CD28: variants seen among roughly 807,000 people sequenced by gnomAD.
CD28 encodes the protein T-cell-specific surface glycoprotein CD28.
In CD28, 8 loss-of-function variants were observed where a neutral mutation model predicts 21.4. The observed-to-expected ratio is 0.37, with a 90% CI of 0.22 to 0.68. The LOEUF (loss-of-function observed/expected upper bound fraction) is 0.68, where lower values mean the gene tolerates loss of function less well. Ranked by LOEUF, CD28 falls within the 30% of genes least tolerant of loss-of-function variation. The probability of loss-of-function intolerance (pLI) is 0.55; values close to 1 mark genes in which losing one functional copy is unlikely to be tolerated. For missense variants in CD28, 239 were observed against 272.2 expected, an observed-to-expected ratio of 0.88 and a Z score of 0.86; for synonymous variants, 106 against 104.0, an observed-to-expected ratio of 1.02 and a Z score of -0.12.
intron 3 of CD28, among the ~76,000 whole-genome samples, chr2:203,730,429 A>T (rs7583168): frequency 0.011 from 1,617 of 152,216 alleles, 31 homozygotes; most frequent in African/African-American, 0.037. Context: ...CTCAACATTG[A>T]ATTTTTGGCC....
In CD28 at chr2:203,723,347, G is replaced by A. The variant is rs150411765; in HGVS notation, c.53-3286G>A. On this transcript the variant is annotated intron_variant, in intron 1 of 3. Transcript: ENST00000324106. ...ACTAAAAATATAAAAATTAGCTGGGGGTGGTGGTGGTCACCTCCAATTCCA... is the reference window on the plus strand; with the variant it reads ...ACTAAAAATATAAAAATTAGCTGGGAGTGGTGGTGGTCACCTCCAATTCCA... 2.0e-3 allele frequency among the ~76,000 whole-genome samples: 308 copies of A among 151,792 alleles called. 2 individuals are homozygous for A. Among genetic ancestry groups the A allele is most frequent in the Non-Finnish European group, 3.1e-3 (212 of 67,902 alleles).
intron 1 of CD28, among the ~76,000 whole-genome samples, chr2:203,707,028 G>T (rs576304877): frequency 8.5e-4 from 129 of 152,020 alleles, no homozygotes; most frequent in African/African-American, 2.7e-3. Flanking sequence ...ATTTTAAATT[G>T]AGATGGGGTT....
intron 1 of CD28, among the ~76,000 whole-genome samples, chr2:203,706,989 T>G (rs1035850986): frequency 6.6e-6 from 1 of 152,012 alleles, no homozygotes; most frequent in African/African-American, 2.4e-5. Flanking sequence ...TAGTTGATAG[T>G]GTCCCAAGAA....
At chr2:203,708,600 T>A (rs190879991) in intron 1 of CD28, among the ~76,000 whole-genome samples, 165 of 152,342 alleles carry the variant, frequency 1.1e-3, no homozygotes, top group African/African-American at 3.7e-3. Context: ...AGAACATTTA[T>A]TAAAAGGGGA....
intron 1 of CD28, among the ~76,000 whole-genome samples, chr2:203,726,140 G>A (rs961414440): frequency 5.3e-5 from 8 of 152,142 alleles, no homozygotes; most frequent in Non-Finnish European, 2.9e-5. Flanking sequence ...GAACTCGGTG[G>A]GTGGAGGTTG....
At position 203,718,628 on chromosome 2, in the gene CD28, A is replaced by G. The variant is rs188424027; in HGVS notation, c.53-8005A>G. Among the ~76,000 whole-genome samples the G allele has an allele frequency of 2.0e-5, 3 of 152,318 alleles. No individual in the cohort carries two copies. The East Asian group carries it at 5.8e-4, about 29-fold the overall frequency. ...ATGATGTGCATAAATGGAACCTGAT[A>G]AAGTTCTTAAAGATTCTGGAGGAAA... On this transcript the variant is annotated intron_variant, in intron 1 of 3. Transcript: ENST00000324106.
At chr2:203,725,224 A>C (rs915678323) in intron 1 of CD28, among the ~76,000 whole-genome samples, 1 of 150,912 alleles carries the variant, frequency 6.6e-6, no homozygotes, top group Non-Finnish European at 1.5e-5. Context: ...CAGAGGGCGG[A>C]GGTTGCAGTC....
intron 1 of CD28, among the ~76,000 whole-genome samples, chr2:203,707,578 AT>A (rs955108815): frequency 2.0e-5 from 3 of 152,344 alleles, no homozygotes; most frequent in East Asian, 1.9e-4. Flanking sequence ...TTAGATTAAA[AT>A]TCTTTAAGTT....
At chr2:203,708,955 A>T (rs1193488048) in intron 1 of CD28, among the ~76,000 whole-genome samples, 1 of 152,124 alleles carries the variant, frequency 6.6e-6, no homozygotes, top group Non-Finnish European at 1.5e-5. Flanking sequence ...TCCCATCTCT[A>T]CTAAAAATAC....
intron 1 of CD28, among the ~76,000 whole-genome samples, chr2:203,709,027 C>T (rs1693240596): frequency 6.6e-6 from 1 of 151,438 alleles, no homozygotes; most frequent in African/African-American, 2.4e-5. Context: ...GAGGCTTAGG[C>T]AGGAGAATTG....
At chr2:203,732,759 T>C (rs1308787059) in intron 3 of CD28, among the ~76,000 whole-genome samples, 7 of 152,214 alleles carry the variant, frequency 4.6e-5, no homozygotes, top group Non-Finnish European at 1.0e-4. Context: ...ATGGGTGCTG[T>C]AGGTTCTGCG....
chr2:203,712,163 G>T (rs907173153), intron 1 of CD28, among the ~76,000 whole-genome samples: 1 of 151,618 alleles, frequency 6.6e-6, no homozygotes, highest in South Asian at 2.1e-4. Context: ...ATGCACTCCA[G>T]CCTGGGTGAC....
rs1439340576 is a variant in CD28 at position 203,736,179 on chromosome 2, T to C, written c.*1267T>C. On this transcript the variant is annotated 3_prime_UTR_variant, in exon 4 of 4. Transcript: ENST00000324106. Reference sequence around the variant, plus strand: ...TTAATGTCGGTGTGGAGATCCAAAGTGGGTTGTGGAAAGAGCGTCCATAGG... The same window carrying C: ...TTAATGTCGGTGTGGAGATCCAAAGCGGGTTGTGGAAAGAGCGTCCATAGG... 1 of 152,510 alleles carries C rather than the reference T, an allele frequency of 6.6e-6. No individual in the cohort carries two copies. The highest frequency in any genetic ancestry group is 1.9e-4 in the East Asian group (1 of 5,192). The allele number at this position is 152,510 out of a possible 1,614,324, so 9.4% of individuals were successfully genotyped here. A position where few individuals can be genotyped will look rare whatever the true frequency, so the allele number is the denominator to read the frequency against.
intron 1 of CD28, among the ~76,000 whole-genome samples, chr2:203,712,024 T>C (rs1483103782): frequency 1.3e-5 from 2 of 151,978 alleles, no homozygotes; most frequent in Non-Finnish European, 2.9e-5. Flanking sequence ...AAACCCCATC[T>C]CTACTAAAAA....
At chr2:203,715,265 C>T (rs1237366359) in intron 1 of CD28, among the ~76,000 whole-genome samples, 2 of 152,112 alleles carry the variant, frequency 1.3e-5, no homozygotes, top group African/African-American at 4.8e-5. Flanking sequence ...GTACAGAAAG[C>T]TATAATTCCC....
chr2:203,731,338 G>A (rs921406141), intron 3 of CD28, among the ~76,000 whole-genome samples: 1 of 152,120 alleles, frequency 6.6e-6, no homozygotes, highest in Admixed American at 6.5e-5. Flanking sequence ...GATAATTTTC[G>A]AGTTTTTAGA....
At chr2:203,712,046 G>T (rs906637478) in intron 1 of CD28, among the ~76,000 whole-genome samples, 2 of 152,148 alleles carry the variant, frequency 1.3e-5, no homozygotes, top group South Asian at 4.2e-4. Flanking sequence ...ACAAAAATTA[G>T]CCAGGCGTGG....
chr2:203,734,394 A>T (rs544401004), intron 3 of CD28, among the ~76,000 whole-genome samples: 2 of 152,350 alleles, frequency 1.3e-5, no homozygotes, highest in East Asian at 1.9e-4. Flanking sequence ...TTAATTATGG[A>T]AAAACAGCTT....
intron 1 of CD28, among the ~76,000 whole-genome samples, chr2:203,717,055 C>T (rs1014224382): frequency 2.6e-5 from 4 of 152,234 alleles, no homozygotes; most frequent in African/African-American, 9.6e-5. Flanking sequence ...CCATGTTGCC[C>T]AGGCTGGTTT....
Sources: allele counts gnomAD v4.1 joint callset (sites outside exome capture counted in the v4.1 genomes callset), GRCh38; gene constraint gnomAD v4.1.1; transcripts MANE v1.5; gene names NCBI Gene and HGNC (gene_info 2026-07-23, HGNC 2026-07-21).